Variants in FAM184A observed in about 807,000 individuals in gnomAD.
The protein encoded by FAM184A is family with sequence similarity 184 member A.
In FAM184A, 99 loss-of-function variants were observed where a neutral mutation model predicts 143.8. The ratio of observed to expected loss-of-function variants is 0.69; its 90% confidence interval spans 0.58 to 0.81. The LOEUF (loss-of-function observed/expected upper bound fraction) is 0.81. Ranked by LOEUF, FAM184A falls within the 40% of genes least tolerant of loss-of-function variation. The probability of loss-of-function intolerance (pLI) is 0.00; values close to 1 mark genes in which losing one functional copy is unlikely to be tolerated. For synonymous variants in FAM184A, 427 were observed against 446.4 expected (o/e 0.96, Z 0.55); for missense variants, 1,217 against 1,310.5 (o/e 0.93, Z 1.10).
intron 1 of FAM184A, among the ~76,000 whole-genome samples, chr6:119,095,495 T>C (rs555821602): frequency 6.6e-6 from 1 of 152,284 alleles, no homozygotes; most frequent in South Asian, 2.1e-4. Context: ...ATGGCACTCT[T>C]TGGGTGGTCT....
At chr6:119,099,300 A>T (rs905124879) in intron 1 of FAM184A, among the ~76,000 whole-genome samples, 1 of 152,112 alleles carries the variant, frequency 6.6e-6, no homozygotes, top group African/African-American at 2.4e-5. Flanking sequence ...GCAGGGAACC[A>T]AACTTCTCAT....
chr6:118,984,360 T>C (rs1464771088), intron 9 of FAM184A, among the ~76,000 whole-genome samples: 4 of 151,674 alleles, frequency 2.6e-5, no homozygotes, highest in Non-Finnish European at 5.9e-5. Flanking sequence ...ATATTATTTC[T>C]AGAGATGAGG....
intron 1 of FAM184A, among the ~76,000 whole-genome samples, chr6:119,034,315 A>C (rs1786025936): frequency 6.6e-6 from 1 of 151,670 alleles, no homozygotes; most frequent in South Asian, 2.1e-4. Flanking sequence ...AATCATTTGA[A>C]AATAAGTTGC....
At chr6:119,132,599 A>G (rs1016856867) in intron 1 of FAM184A, among the ~76,000 whole-genome samples, 1 of 152,170 alleles carries the variant, frequency 6.6e-6, no homozygotes, top group African/African-American at 2.4e-5. Flanking sequence ...TAAAAAACGT[A>G]CTCATCTATT....
intron 1 of FAM184A, among the ~76,000 whole-genome samples, chr6:119,056,434 C>T (rs74815395): frequency 0.018 from 2,747 of 152,246 alleles, 33 homozygotes; most frequent in Middle Eastern, 0.048. Flanking sequence ...CCAAAACAAA[C>T]CTAGGGTTCT....
At position 119,078,393 on chromosome 6, in the gene FAM184A, G is replaced by A. The variant is rs1787956930; in HGVS notation, c.-94C>T. On this transcript the variant is annotated 5_prime_UTR_variant, in exon 1 of 18. Transcript: ENST00000338891. This position sits in a 1 kb window ranked among gnomAD's most constrained non-coding sequence, Gnocchi z 5.5. Reference sequence around the variant, plus strand: ...CCGGGAGGCAAGAGTCGCGGCGGCCGCTTCCCGACCCGACACCCGGCGCCC... The same window carrying A: ...CCGGGAGGCAAGAGTCGCGGCGGCCACTTCCCGACCCGACACCCGGCGCCC... 1.1e-5 allele frequency: 14 copies of A among 1,264,712 alleles called. No homozygotes were observed. Among genetic ancestry groups the A allele is most frequent in the Non-Finnish European group, 1.3e-5 (13 of 975,516 alleles). The allele number at this position is 1,264,712 out of a possible 1,614,324, so 78.3% of individuals were successfully genotyped here. A position where few individuals can be genotyped will look rare whatever the true frequency, so the allele number is the denominator to read the frequency against.
intron 1 of FAM184A, among the ~76,000 whole-genome samples, chr6:119,112,450 G>A (rs1413168399): frequency 6.6e-6 from 1 of 152,164 alleles, no homozygotes; most frequent in Non-Finnish European, 1.5e-5. Context: ...ACTTCAAATT[G>A]AACGTGCCAT....
intron 1 of FAM184A, among the ~76,000 whole-genome samples, chr6:119,090,495 G>T (rs1373150945): frequency 6.6e-6 from 1 of 152,194 alleles, no homozygotes; most frequent in Non-Finnish European, 1.5e-5. Context: ...CACCTTTGCA[G>T]CTGAAATCAA....
In FAM184A at chr6:119,047,031, G is replaced by GA. The variant is rs529055134; in HGVS notation, c.160-22219dup. 1.2e-3 allele frequency among the ~76,000 whole-genome samples: 165 copies of GA among 136,402 alleles called. 1 individual carries two copies. Among genetic ancestry groups the GA allele is most frequent in the African/African-American group, 4.0e-3 (158 of 39,462 alleles). 89.5% of individuals were successfully genotyped at this position (136,402 alleles called of 152,430 possible). A position where few individuals can be genotyped will look rare whatever the true frequency, so the allele number is the denominator to read the frequency against. On this transcript the variant is annotated intron_variant, in intron 1 of 17. Transcript: ENST00000338891. ...CATAAAAGCTCAAAAAACGCTACAG[G>GA]AAAAAAATCTAATAATCTGATAAAA...
intron 1 of FAM184A, among the ~76,000 whole-genome samples, chr6:119,038,702 T>C (rs1468526886): frequency 6.6e-6 from 1 of 152,186 alleles, no homozygotes; most frequent in Non-Finnish European, 1.5e-5. Flanking sequence ...TAGCCATTAT[T>C]TTATTTCTTT....
chr6:119,123,806 G>C (rs1299609986), intron 1 of FAM184A, among the ~76,000 whole-genome samples: 1 of 152,194 alleles, frequency 6.6e-6, no homozygotes, highest in Non-Finnish European at 1.5e-5. Flanking sequence ...AGAATCTTAA[G>C]AAATAAATAT....
At chr6:119,028,321 T>C (rs1268823770) in intron 1 of FAM184A, among the ~76,000 whole-genome samples, 1 of 152,240 alleles carries the variant, frequency 6.6e-6, no homozygotes, top group Non-Finnish European at 1.5e-5. Context: ...TCTTGCGGGA[T>C]AGGAGCATCT....
chr6:119,125,559 A>G (rs1789341431), intron 1 of FAM184A, among the ~76,000 whole-genome samples: 3 of 152,134 alleles, frequency 2.0e-5, no homozygotes, highest in African/African-American at 7.2e-5. Context: ...TCCTTATTTT[A>G]AAGCTCATTT....
intron 1 of FAM184A, among the ~76,000 whole-genome samples, chr6:119,148,848 GC>G (rs1413558398): frequency 6.6e-6 from 1 of 151,412 alleles, no homozygotes; most frequent in African/African-American, 2.4e-5. Context: ...ATGGTCAATA[GC>G]CCCCAGAAAA....
chr6:119,126,559 C>G (rs1220771878), intron 1 of FAM184A, among the ~76,000 whole-genome samples: 1 of 152,232 alleles, frequency 6.6e-6, no homozygotes, highest in Non-Finnish European at 1.5e-5. Context: ...AAGAGCAAAA[C>G]TCTGTGCAGG....
At chr6:119,051,185 G>A (rs1786751487) in intron 1 of FAM184A, among the ~76,000 whole-genome samples, 1 of 152,014 alleles carries the variant, frequency 6.6e-6, no homozygotes, top group Non-Finnish European at 1.5e-5. Flanking sequence ...GTACACAATG[G>A]AATACAATTC....
chr6:118,988,981 G>T (rs376011515), intron 9 of FAM184A, among the ~76,000 whole-genome samples: 14 of 117,384 alleles, frequency 1.2e-4, no homozygotes, highest in Non-Finnish European at 1.2e-4. Flanking sequence ...TTTTTGAGAC[G>T]GAGTCTCACT....
intron 6 of FAM184A, among the ~76,000 whole-genome samples, chr6:119,007,652 A>G (rs986432381): frequency 2.6e-5 from 4 of 152,216 alleles, no homozygotes; most frequent in African/African-American, 9.6e-5. Context: ...AAAGAATAGT[A>G]TTCTAGGGCT....
chr6:119,092,359 A>C (rs116725583), intron 1 of FAM184A, among the ~76,000 whole-genome samples: 1 of 151,732 alleles, frequency 6.6e-6, no homozygotes, highest in African/African-American at 2.4e-5. Flanking sequence ...CTGGTTTTGA[A>C]CTCTTGGGCT....
Sources: gnomAD v4.1 joint callset for allele counts (sites outside exome capture counted in the v4.1 genomes callset) on GRCh38, gnomAD v4.1.1 for gene constraint, Gnocchi (gnomAD v3.1) non-coding constraint, MANE v1.5 for transcripts, NCBI Gene and HGNC (gene_info 2026-07-23, HGNC 2026-07-21) for gene names.